Variants in POLA1 observed in about 807,000 individuals in gnomAD.
The protein encoded by POLA1 is DNA polymerase alpha 1, catalytic subunit.
In POLA1, 15 loss-of-function variants were observed where a neutral mutation model predicts 124.0. The observed-to-expected ratio is 0.12, with a 90% CI of 0.08 to 0.19. The LOEUF (loss-of-function observed/expected upper bound fraction) is 0.19, where lower values mean the gene tolerates loss of function less well. POLA1 is among the 10% of genes least tolerant of loss of function. The pLI is 1.00. For missense variants in POLA1, 886 were observed against 1,103.4 expected (o/e 0.80, Z 2.79); for synonymous variants, 408 against 389.4 (o/e 1.05, Z -0.56).
chrX:24,983,870 A>G (rs375971443), intron 36 of POLA1, among the ~76,000 whole-genome samples: 72 of 110,879 alleles, frequency 6.5e-4, no homozygotes, highest in African/African-American at 2.3e-3. Flanking sequence ...TCTAAGCACC[A>G]TTTGCCTCTT....
At chrX:24,793,746 G>A (rs747470624) in intron 26 of POLA1, among the ~76,000 whole-genome samples, 14 of 109,727 alleles carry the variant, frequency 1.3e-4, no homozygotes, top group Admixed American at 1.1e-3. Context: ...CACCATGCCC[G>A]GCTAATTTTT....
intron 26 of POLA1, among the ~76,000 whole-genome samples, chrX:24,803,102 A>T (rs1002194746): frequency 8.9e-6 from 1 of 111,947 alleles, no homozygotes; most frequent in Non-Finnish European, 1.9e-5. Flanking sequence ...GAGCTGGTTA[A>T]GGGTTTGGAG....
chrX:24,978,277 TAC>T (rs1400303751), intron 36 of POLA1, among the ~76,000 whole-genome samples: 2 of 111,998 alleles, frequency 1.8e-5, no homozygotes, highest in Admixed American at 9.5e-5. Flanking sequence ...TCTTTGTTCT[TAC>T]AATTAAGAGG....
At chrX:24,713,734 T>C (rs1186658775) in intron 4 of POLA1, among the ~76,000 whole-genome samples, 1 of 112,819 alleles carries the variant, frequency 8.9e-6, no homozygotes, top group African/African-American at 3.2e-5. Context: ...TGTTCTTTAA[T>C]GAGCAGATGT....
intron 34 of POLA1, among the ~76,000 whole-genome samples, chrX:24,883,777 A>T (rs1216489116): frequency 8.9e-6 from 1 of 112,269 alleles, no homozygotes; most frequent in East Asian, 2.8e-4. Context: ...TGTGTGCGGC[A>T]TTACGTAATA....
chrX:24,699,516 A>G lies in POLA1; in HGVS notation c.135A>G (p.Lys45=). ...KGRQEALERL[K]KAKAGEKYKY... ...GCCAAGAAGCCCTAGAAAGACTGAA[A>G]AAGGCTAAAGCTGGTGAGAAGTATA... The change falls in exon 2 of 37, where the codon AAA becomes AAG. Residue 45 remains lysine, a synonymous_variant. Coordinates refer to ENST00000379068, the MANE Select transcript of POLA1 (RefSeq NM_001330360.2). 1 of 1,185,137 alleles carries G rather than the reference A, an allele frequency of 8.4e-7. No homozygotes were observed. The highest frequency in any genetic ancestry group is 1.9e-5 in the South Asian group (1 of 51,898).
intron 34 of POLA1, among the ~76,000 whole-genome samples, chrX:24,883,294 G>A (rs987555083): frequency 5.3e-5 from 6 of 112,346 alleles, no homozygotes; most frequent in South Asian, 7.4e-4. Flanking sequence ...CATTCTGTGA[G>A]TTGTCTGTTT....
chrX:24,990,210 A>G lies in POLA1; in HGVS notation c.4262-5595A>G, dbSNP rs374192434. On this transcript the variant is annotated intron_variant, in intron 36 of 36. Coordinates refer to ENST00000379068, the MANE Select transcript of POLA1 (RefSeq NM_001330360.2). ...TATAATGTAAAAAATTAAATATCCA[A>G]TATCAATGGATTCTAAATGGTTTTG... 5.3e-5 allele frequency among the ~76,000 whole-genome samples: 6 copies of G among 112,502 alleles called. No individual in the cohort carries two copies. In the East Asian group the frequency reaches 1.7e-3, roughly 31 times the overall value.
At chrX:24,918,620 C>T (rs764332921) in intron 35 of POLA1, among the ~76,000 whole-genome samples, 1 of 112,030 alleles carries the variant, frequency 8.9e-6, no homozygotes, top group Admixed American at 9.5e-5. Flanking sequence ...TCTTTATTTA[C>T]TTCACATTAC....
intron 15 of POLA1, among the ~76,000 whole-genome samples, chrX:24,728,419 T>G (rs1254370778): frequency 1.8e-5 from 2 of 112,090 alleles, no homozygotes; most frequent in Non-Finnish European, 3.8e-5. Flanking sequence ...CTTGGTATAA[T>G]CTAAAATACC....
chrX:24,931,028 G>A lies in POLA1; in HGVS notation c.4261+479G>A, dbSNP rs777157072. The stretch of plus-strand genomic sequence containing the variant: ...CTCCATCCTAAGAGAGTATATAGGC[G>A]CCTCAGCCCGTATGATCAGCTGTTG... On this transcript the variant is annotated intron_variant, in intron 36 of 36. Transcript: ENST00000379068. Among the ~76,000 whole-genome samples the A allele has an allele frequency of 1.1e-4, 12 of 111,169 alleles. No homozygotes were observed. In the South Asian group the frequency reaches 4.2e-3, roughly 39 times the overall value.
At chrX:24,808,845 A>G (rs1375392692) in intron 26 of POLA1, among the ~76,000 whole-genome samples, 1 of 112,103 alleles carries the variant, frequency 8.9e-6, no homozygotes, top group Non-Finnish European at 1.9e-5. Flanking sequence ...CTATTGAAGT[A>G]GGAGAAAGAA....
chrX:24,879,634 A>G (rs2046978089), intron 34 of POLA1, among the ~76,000 whole-genome samples: 1 of 111,738 alleles, frequency 8.9e-6, no homozygotes, highest in East Asian at 2.8e-4. Context: ...GAAGCAAGGT[A>G]CTGTGTACTT....
chrX:24,720,732 G>A (rs1037776250), intron 10 of POLA1, among the ~76,000 whole-genome samples: 12 of 111,985 alleles, frequency 1.1e-4, no homozygotes, highest in Non-Finnish European at 1.7e-4. Flanking sequence ...TCTACATTTC[G>A]TTTACTGGCT....
In POLA1 at chrX:24,841,840, TTCTG is replaced by T. The variant is rs1374304661; in HGVS notation, c.3915+14_3915+17del. ...TGTCTTTGATGGTTCGGTTAGTTGT[TTCTG>T]TCTTTCATTTTGTGAGTGAACTTGT... On this transcript the variant is annotated intron_variant, in intron 33 of 36. Transcript: ENST00000379068. 1 of 1,173,450 alleles carries T rather than the reference TTCTG, an allele frequency of 8.5e-7. No individual in the cohort carries two copies. Among genetic ancestry groups the T allele is most frequent in the Non-Finnish European group, 1.2e-6 (1 of 863,776 alleles).
chrX:24,924,466 A>G (rs1462538518), intron 35 of POLA1, among the ~76,000 whole-genome samples: 1 of 111,639 alleles, frequency 9.0e-6, no homozygotes, highest in Non-Finnish European at 1.9e-5. Context: ...CACATTAGAA[A>G]TCAATTCAAA....
intron 34 of POLA1, among the ~76,000 whole-genome samples, chrX:24,852,970 A>G (rs1221726111): frequency 8.9e-6 from 1 of 112,233 alleles, no homozygotes; most frequent in Non-Finnish European, 1.9e-5. Context: ...AAAAAAGAAA[A>G]CTACCCAGGA....
intron 26 of POLA1, among the ~76,000 whole-genome samples, chrX:24,788,188 C>A (rs899379314): frequency 5.4e-5 from 6 of 111,449 alleles, no homozygotes; most frequent in Non-Finnish European, 1.1e-4. Context: ...AACCCCTCAA[C>A]AAATTAGATA....
intron 26 of POLA1, among the ~76,000 whole-genome samples, chrX:24,773,929 A>C (rs2045088610): frequency 8.9e-6 from 1 of 112,053 alleles, no homozygotes. Context: ...AATTAGTGAT[A>C]AGATACTTTC....
Sources: gnomAD v4.1 joint callset for allele counts (sites outside exome capture counted in the v4.1 genomes callset) on GRCh38, gnomAD v4.1.1 for gene constraint, MANE v1.5 for transcripts, NCBI Gene and HGNC (gene_info 2026-07-23, HGNC 2026-07-21) for gene names.